Variants in SMC1A observed in about 807,000 individuals in gnomAD.
The protein encoded by SMC1A is structural maintenance of chromosomes protein 1A.
A neutral mutation model predicts 94.5 loss-of-function variants in SMC1A; 4 were observed. The observed-to-expected ratio is 0.04, with a 90% CI of 0.02 to 0.10. The LOEUF is 0.10. Ranked by LOEUF, SMC1A falls within the 10% of genes least tolerant of loss-of-function variation. SMC1A has a pLI of 1.00. For synonymous variants in SMC1A, 345 were observed against 347.7 expected (o/e 0.99, Z 0.09); for missense variants, 304 against 989.0 (o/e 0.31, Z 9.29).
chrX:53,379,110 A>G lies in SMC1A; in HGVS notation c.*993T>C, dbSNP rs1569351098. On this transcript the variant is annotated 3_prime_UTR_variant, in exon 25 of 25. Coordinates refer to ENST00000322213, the MANE Select transcript of SMC1A (RefSeq NM_006306.4). ...GAGGGGTCGGCACCTAGTGGGCTCC[A>G]CGAAGGGATAAGGCCTCCAGTGAGG... is the stretch of plus-strand genomic sequence containing the variant. 8.9e-6 allele frequency: 1 copy of G among 111,984 alleles called. No homozygotes were observed. Among genetic ancestry groups the G allele is most frequent in the African/African-American group, 3.2e-5 (1 of 30,796 alleles). 9.2% of individuals were successfully genotyped at this position (111,984 alleles called of 1,213,427 possible).
intron 13 of SMC1A, among the ~76,000 whole-genome samples, chrX:53,404,643 G>A (rs1306090966): frequency 4.5e-5 from 5 of 110,809 alleles, no homozygotes; most frequent in South Asian, 7.6e-4. Flanking sequence ...ACAGGCGCCT[G>A]CCACCACGCC....
At chrX:53,414,937 A>G in intron 2 of SMC1A, 44 bp downstream of exon 2, 1 of 1,199,820 alleles carries the variant, frequency 8.3e-7, no homozygotes, top group Non-Finnish European at 1.1e-6. Context: ...TAGTCTAGCC[A>G]CCTCCCAGGA....
intron 1 of SMC1A, among the ~76,000 whole-genome samples, chrX:53,417,090 C>T (rs1317797990): frequency 9.1e-6 from 1 of 110,469 alleles, no homozygotes; most frequent in East Asian, 2.9e-4. Flanking sequence ...CCAGCCTAAT[C>T]TGAATCTAAA....
chrX:53,399,109 G>T (rs2075662174), intron 16 of SMC1A, among the ~76,000 whole-genome samples: 1 of 110,978 alleles, frequency 9.0e-6, no homozygotes, highest in African/African-American at 3.3e-5. Flanking sequence ...GTGGTGGCAG[G>T]CACCTGTAGT....
At chrX:53,388,074 T>G (rs782601585) in intron 19 of SMC1A, among the ~76,000 whole-genome samples, 4 of 111,461 alleles carry the variant, frequency 3.6e-5, no homozygotes, top group Non-Finnish European at 7.5e-5. Context: ...AGGTCACCAT[T>G]TTGCAACCCC....
At chrX:53,385,356 C>T (rs782313227) in intron 19 of SMC1A, among the ~76,000 whole-genome samples, 56 of 105,357 alleles carry the variant, frequency 5.3e-4, no homozygotes, top group African/African-American at 1.7e-3. Context: ...CTGCAACCTC[C>T]GCCTCCCAGT....
chrX:53,410,947 T>TAAAAAAAAAAAAAAAAA (rs2075709976), intron 7 of SMC1A, among the ~76,000 whole-genome samples: 1 of 2,350 alleles, frequency 4.3e-4, no homozygotes, highest in Non-Finnish European at 1.1e-3. Flanking sequence ...AAAAAAAAAG[T>TAAAAAAAAAAAAAAAAA]AGCCAGGCAT....
At chrX:53,397,977 G>C (rs1460460262) in intron 16 of SMC1A, among the ~76,000 whole-genome samples, 1 of 109,389 alleles carries the variant, frequency 9.1e-6, no homozygotes, top group African/African-American at 3.3e-5. Flanking sequence ...CTTGAGGCCA[G>C]GAGTTCCAGA....
At chrX:53,385,695 G>A (rs1602400207) in intron 19 of SMC1A, among the ~76,000 whole-genome samples, 1 of 111,348 alleles carries the variant, frequency 9.0e-6, no homozygotes, top group Non-Finnish European at 1.9e-5. Context: ...GCAAGAAAAA[G>A]AATAATCCAA....
intron 19 of SMC1A, 47 bp downstream of exon 19, chrX:53,394,731 T>TGCCCCCCCCCCCCCCCCCCCCCCCCCCCC: frequency 2.4e-6 from 1 of 416,235 alleles, no homozygotes. Context: ...ATAGTCCCAC[T>TGCCCCCCCCCCCCCCCCCCCCCCCCCCCC]CCCACCCAAC....
In SMC1A at chrX:53,379,997, C is replaced by T; in HGVS notation, c.*106G>A. 4 of 589,100 alleles carry T rather than the reference C, an allele frequency of 6.8e-6. No homozygotes were observed. Among genetic ancestry groups the T allele is most frequent in the South Asian group, 4.8e-5 (2 of 42,054 alleles). 48.5% of individuals were successfully genotyped at this position (589,100 alleles called of 1,213,427 possible). Reference sequence around the variant, plus strand: ...TAGCAGTGCCTAAATCCCATGACTACACCAAAAAGGGCCAGGAGGTAGGGG... The same window carrying T: ...TAGCAGTGCCTAAATCCCATGACTATACCAAAAAGGGCCAGGAGGTAGGGG... On this transcript the variant is annotated 3_prime_UTR_variant, in exon 25 of 25. Transcript: ENST00000322213.
intron 24 of SMC1A, 107 bp from the exon 25 acceptor site, chrX:53,380,293 C>T: frequency 1.7e-6 from 1 of 577,349 alleles, no homozygotes; most frequent in Non-Finnish European, 2.9e-6. Flanking sequence ...ACATACCTGC[C>T]CAAAGCCCAG....
intron 1 of SMC1A, chrX:53,421,883 C>T: frequency 8.4e-7 from 1 of 1,184,531 alleles, no homozygotes; most frequent in Non-Finnish European, 1.1e-6. Context: ...AGGGCGAGTT[C>T]GAGGCAACTA....
At chrX:53,386,036 C>T (rs2075603264) in intron 19 of SMC1A, among the ~76,000 whole-genome samples, 1 of 111,710 alleles carries the variant, frequency 9.0e-6, no homozygotes, top group Admixed American at 9.5e-5. Context: ...TGGGTACATC[C>T]TGACATGATG....
chrX:53,385,293 C>T (rs1396126218), intron 19 of SMC1A, among the ~76,000 whole-genome samples: 11 of 92,201 alleles, frequency 1.2e-4, no homozygotes, highest in African/African-American at 2.1e-4. Context: ...TTTTTTGAGA[C>T]GGAGTCTTCC....
chrX:53,390,973 C>CAAAAAAAAAAAAAAAAAAAAAAAAA (rs782771730), intron 19 of SMC1A, among the ~76,000 whole-genome samples: 13 of 34,317 alleles, frequency 3.8e-4, no homozygotes, highest in East Asian at 1.3e-3. Context: ...GACTCCGTCT[C>CAAAAAAAAAAAAAAAAAAAAAAAAA]AAAAAAAAAA....
rs1556885980 is a variant in SMC1A, at chrX:53,382,291, G to A, written c.3378C>T (p.Asp1126=). The part of the protein sequence containing the change: ...VAPGKRFRPM[D]NLSGGEKTVA... ...CTGTCTTCTCCCCGCCTGACAAGTTGTCCATAGGCCGGAAGCGTTTCCCAG... is the reference window on the plus strand; with the variant it reads ...CTGTCTTCTCCCCGCCTGACAAGTTATCCATAGGCCGGAAGCGTTTCCCAG... Residue 1126 remains aspartate (D), a synonymous_variant, in exon 22 of 25, where the codon GAC becomes GAT. Coordinates refer to ENST00000322213, the MANE Select transcript of SMC1A (RefSeq NM_006306.4). 1.7e-6 allele frequency: 2 copies of A among 1,211,702 alleles called. No homozygotes were observed. The highest frequency in any genetic ancestry group is 5.9e-5 in the East Asian group (2 of 33,832).
At chrX:53,393,224 A>T (rs1481071303) in intron 19 of SMC1A, among the ~76,000 whole-genome samples, 1 of 111,601 alleles carries the variant, frequency 9.0e-6, no homozygotes, top group Middle Eastern at 4.3e-3. Flanking sequence ...AATAGAAAAA[A>T]CATGTTCAGT....
chrX:53,404,926 T>C, intron 13 of SMC1A, 86 bp downstream of exon 13: 2 of 1,065,401 alleles, frequency 1.9e-6, no homozygotes, highest in Non-Finnish European at 2.5e-6. Context: ...GACGGGGAAG[T>C]GAAACAAGTT....
Sources: allele counts gnomAD v4.1 joint callset (sites outside exome capture counted in the v4.1 genomes callset), GRCh38; gene constraint gnomAD v4.1.1; transcripts MANE v1.5; gene names NCBI Gene and HGNC (gene_info 2026-07-23, HGNC 2026-07-21).